Variants in TRIO observed in about 807,000 individuals in gnomAD.
TRIO encodes the protein triple functional domain protein.
In TRIO, 58 loss-of-function variants were observed where a neutral mutation model predicts 351.9. The observed-to-expected ratio is 0.16, with a 90% CI of 0.13 to 0.21. The LOEUF is 0.21. Ranked by LOEUF, TRIO falls within the 10% of genes least tolerant of loss-of-function variation. TRIO has a pLI of 1.00. For missense variants in TRIO, 3,201 were observed against 4,027.8 expected (o/e 0.79, Z 5.56); for synonymous variants, 1,758 against 1,595.7 (o/e 1.10, Z -2.42).
chr5:14,302,453 T>C (rs1355825899), intron 7 of TRIO, among the ~76,000 whole-genome samples: 2 of 152,198 alleles, frequency 1.3e-5, no homozygotes, highest in African/African-American at 2.4e-5. Flanking sequence ...TTAAATGCAA[T>C]ACAGGAAGAT....
chr5:14,338,388 C>T (rs1289973733), intron 11 of TRIO, among the ~76,000 whole-genome samples: 1 of 152,176 alleles, frequency 6.6e-6, no homozygotes, highest in Admixed American at 6.5e-5. Flanking sequence ...CACAGTATCC[C>T]CTGATCCAGA....
At chr5:14,228,695 T>C (rs988604594) in intron 1 of TRIO, among the ~76,000 whole-genome samples, 3 of 152,198 alleles carry the variant, frequency 2.0e-5, no homozygotes, top group Admixed American at 6.5e-5. Context: ...CTTGTACTTA[T>C]TGGACTATTT....
intron 33 of TRIO, among the ~76,000 whole-genome samples, chr5:14,409,707 G>A (rs1307231381): frequency 2.0e-5 from 3 of 151,896 alleles, no homozygotes; most frequent in Non-Finnish European, 4.4e-5. Flanking sequence ...GGTGGTGGGT[G>A]CCTGTAAGTC....
rs1376098679 is a variant in TRIO at position 14,487,621 on chromosome 5, CAGCACG to C, written c.6998_7003del (p.Thr2333_Ser2334del). ...GCCCCAGCAGCTGCGGCGGCGCCCC[CAGCACG>C]AGCAGGAGCCGGCCCTCCCGGATCC... is the stretch of plus-strand genomic sequence containing the variant. On this transcript the variant is annotated inframe_deletion, in exon 48 of 57. Transcript: ENST00000344204. 8.3e-7 allele frequency: 1 copy of C among 1,204,678 alleles called. No individual in the cohort carries two copies. The highest frequency in any genetic ancestry group is 1.0e-6 in the Non-Finnish European group (1 of 960,012). 74.6% of individuals were successfully genotyped at this position (1,204,678 alleles called of 1,614,324 possible).
rs546182152 is a variant in TRIO, at chr5:14,159,854, C to T, written c.157+15972C>T. ...TGCTGGGATTACAGGCGTGAGCCAC[C>T]GCGTCCGGCCGAGCTTTATATTCTT... On this transcript the variant is annotated intron_variant, in intron 1 of 56. Coordinates refer to ENST00000344204, the MANE Select transcript of TRIO (RefSeq NM_007118.4). Among the ~76,000 whole-genome samples, 6 of 152,262 alleles carry T rather than the reference C, an allele frequency of 3.9e-5. No individual in the cohort carries two copies. In the South Asian group the frequency reaches 8.3e-4, roughly 21 times the overall value.
chr5:14,207,389 T>TACAC lies in TRIO; in HGVS notation c.158-63397_158-63394dup, dbSNP rs70964544. Among the ~76,000 whole-genome samples, 12 of 11,746 alleles carry TACAC rather than the reference T, an allele frequency of 1.0e-3. 1 individual carries two copies. Among genetic ancestry groups the TACAC allele is most frequent in the African/African-American group, 1.6e-3 (6 of 3,868 alleles). The allele number at this position is 11,746 out of a possible 152,430, so 7.7% of individuals were successfully genotyped here. ...AGCCAGGTAGCATAGCAAGACTGTC[T>TACAC]ACACACACACACACACACACACACA... is the stretch of plus-strand genomic sequence containing the variant. On this transcript the variant is annotated intron_variant, in intron 1 of 56. Transcript: ENST00000344204.
chr5:14,248,768 G>A (rs1004648650), intron 1 of TRIO, among the ~76,000 whole-genome samples: 6 of 152,230 alleles, frequency 3.9e-5, no homozygotes, highest in Non-Finnish European at 7.3e-5. Flanking sequence ...GTGGTGCTCA[G>A]TGCTTTACAG....
At chr5:14,186,017 T>G (rs1357706720) in intron 1 of TRIO, among the ~76,000 whole-genome samples, 1 of 152,234 alleles carries the variant, frequency 6.6e-6, no homozygotes, top group Non-Finnish European at 1.5e-5. Flanking sequence ...ACCAGAGTGT[T>G]TTGAATAGCT....
In TRIO at chr5:14,509,183, C is replaced by G. The variant is rs1757925494; in HGVS notation, c.*761C>G. ...TCCCCCTGTTCCTGCCCCAAGCCGT[C>G]AATCAGATTGTGGAGCAGTACACAG... On this transcript the variant is annotated 3_prime_UTR_variant, in exon 57 of 57. Coordinates refer to ENST00000344204, the MANE Select transcript of TRIO (RefSeq NM_007118.4). The G allele has an allele frequency of 8.9e-5, 23 of 257,162 alleles. No homozygotes were observed. The highest frequency in any genetic ancestry group is 8.1e-4 in the South Asian group (23 of 28,546). 15.9% of individuals were successfully genotyped at this position (257,162 alleles called of 1,614,324 possible).
chr5:14,175,351 C>T (rs1789343658), intron 1 of TRIO, among the ~76,000 whole-genome samples: 1 of 152,144 alleles, frequency 6.6e-6, no homozygotes, highest in Admixed American at 6.5e-5. Context: ...AATTCCTTTC[C>T]AGTTTTTTCC....
At chr5:14,383,134 C>A (rs1746258932) in intron 21 of TRIO, among the ~76,000 whole-genome samples, 1 of 152,140 alleles carries the variant, frequency 6.6e-6, no homozygotes, top group Admixed American at 6.5e-5. Context: ...CCAGCTTGGG[C>A]AAGATGACAA....
intron 34 of TRIO, among the ~76,000 whole-genome samples, chr5:14,452,603 A>G (rs1752922391): frequency 6.6e-6 from 1 of 152,176 alleles, no homozygotes; most frequent in Non-Finnish European, 1.5e-5. Context: ...TAAACTCCAG[A>G]TATACAGCAC....
intron 1 of TRIO, among the ~76,000 whole-genome samples, chr5:14,197,658 T>A (rs2152165054): frequency 6.6e-6 from 1 of 152,324 alleles, no homozygotes; most frequent in South Asian, 2.1e-4. Context: ...CTTAGTTTGC[T>A]AGCAAAAGAC....
chr5:14,164,814 A>G (rs1788672226), intron 1 of TRIO, among the ~76,000 whole-genome samples: 1 of 152,166 alleles, frequency 6.6e-6, no homozygotes, highest in African/African-American at 2.4e-5. Context: ...GAGTATCTGC[A>G]TGTCTAAGTC....
intron 28 of TRIO, among the ~76,000 whole-genome samples, chr5:14,395,389 G>A (rs1454381985): frequency 6.6e-6 from 1 of 152,204 alleles, no homozygotes; most frequent in Non-Finnish European, 1.5e-5. Flanking sequence ...GTGTCCTCAA[G>A]ATGTAAGGAT....
chr5:14,469,379 CTT>C (rs1304467476), intron 37 of TRIO, among the ~76,000 whole-genome samples: 2 of 152,288 alleles, frequency 1.3e-5, no homozygotes, highest in Middle Eastern at 3.4e-3. Flanking sequence ...TTGTTCATCT[CTT>C]TGATAGTAAA....
chr5:14,232,824 T>A (rs1793530445), intron 1 of TRIO, among the ~76,000 whole-genome samples: 1 of 152,240 alleles, frequency 6.6e-6, no homozygotes, highest in South Asian at 2.1e-4. Context: ...TTAAAAAGGA[T>A]GAAAATATTT....
chr5:14,316,077 T>A (rs1739358390), intron 8 of TRIO, among the ~76,000 whole-genome samples: 1 of 152,266 alleles, frequency 6.6e-6, no homozygotes, highest in African/African-American at 2.4e-5. Flanking sequence ...TCCATTGTGA[T>A]GATCTGCTGT....
chr5:14,453,301 A>C (rs1752983883), intron 34 of TRIO, among the ~76,000 whole-genome samples: 1 of 152,194 alleles, frequency 6.6e-6, no homozygotes, highest in African/African-American at 2.4e-5. Context: ...GCTCAAGTTT[A>C]CTTTGTTCTA....
Sources: allele counts gnomAD v4.1 joint callset (sites outside exome capture counted in the v4.1 genomes callset), GRCh38; gene constraint gnomAD v4.1.1; transcripts MANE v1.5; gene names NCBI Gene and HGNC (gene_info 2026-07-23, HGNC 2026-07-21).